TLN2: variants seen among roughly 807,000 people sequenced by gnomAD.
TLN2 encodes the protein talin-2.
A neutral mutation model predicts 294.7 loss-of-function variants in TLN2; 118 were observed. That is an observed-to-expected ratio of 0.40 (90% CI 0.34 to 0.47). The LOEUF is 0.47. Ranked by LOEUF, TLN2 falls within the 20% of genes least tolerant of loss-of-function variation. The probability of loss-of-function intolerance (pLI) is 0.84; values close to 1 mark genes in which losing one functional copy is unlikely to be tolerated. For synonymous variants in TLN2, 1,431 were observed against 1,304.5 expected, an observed-to-expected ratio of 1.10 and a Z score of -2.09; for missense variants, 3,083 against 3,282.2, an observed-to-expected ratio of 0.94 and a Z score of 1.48.
At chr15:62,708,470 A>G (rs748349281) in intron 20 of TLN2, 32 bp from the exon 21 acceptor site, 2 of 1,601,076 alleles carry the variant, frequency 1.2e-6, no homozygotes, top group South Asian at 2.2e-5. Context: ...ATTCAACCAC[A>G]GTGCCCAAAA....
In TLN2 at chr15:62,835,793, T is replaced by A; in HGVS notation, c.7185T>A (p.Ile2395=). ...ADDGQWSQGL[I]SAARMVAAAT... is the part of the protein sequence containing the mutation. ...ACGGACAGTGGTCACAGGGGCTGAT[T>A]TCTGCTGTGAGTTGCCTTCTCCTTC... Residue 2395 remains isoleucine (I), a synonymous_variant, in exon 56 of 59, where the codon ATT becomes ATA. Transcript: ENST00000636159. The A allele has an allele frequency of 1.2e-6, 2 of 1,614,198 alleles. No individual in the cohort carries two copies. The highest frequency in any genetic ancestry group is 1.7e-6 in the Non-Finnish European group (2 of 1,180,036).
chr15:62,427,048 A>G (rs2034755679), intron 1 of TLN2, among the ~76,000 whole-genome samples: 1 of 152,076 alleles, frequency 6.6e-6, no homozygotes, highest in Non-Finnish European at 1.5e-5. Context: ...ATTCTTCAGG[A>G]AGCAGGGCCA....
intron 1 of TLN2, among the ~76,000 whole-genome samples, chr15:62,430,299 C>T (rs953488765): frequency 6.6e-6 from 1 of 152,094 alleles, no homozygotes; most frequent in African/African-American, 2.4e-5. Context: ...ATTTGTATGA[C>T]TTTGGAAATA....
chr15:62,820,960 C>G (rs755761169), intron 54 of TLN2, among the ~76,000 whole-genome samples: 11 of 152,186 alleles, frequency 7.2e-5, no homozygotes, highest in Non-Finnish European at 1.5e-4. Flanking sequence ...TTTCTGGTTT[C>G]TCTTTTGCTT....
intron 50 of TLN2, 41 bp downstream of exon 50, chr15:62,800,810 C>T (rs368644574): frequency 3.2e-6 from 5 of 1,542,388 alleles, no homozygotes; most frequent in Non-Finnish European, 4.4e-6. Flanking sequence ...ACCAGAGTCC[C>T]ACAGCTGACC....
At chr15:62,541,595 GGT>G (rs143474060) in intron 1 of TLN2, among the ~76,000 whole-genome samples, 3 of 151,392 alleles carry the variant, frequency 2.0e-5, no homozygotes, top group East Asian at 1.9e-4. Context: ...TTTGCTCAGG[GGT>G]GTGTGTGTGT....
chr15:62,396,231 A>G (rs1035791026), intron 1 of TLN2, among the ~76,000 whole-genome samples: 1 of 152,224 alleles, frequency 6.6e-6, no homozygotes, highest in Non-Finnish European at 1.5e-5. Context: ...ATTAGCAGTG[A>G]GGAGGGAGAG....
rs764366586 is a variant in TLN2, at chr15:62,703,619, ACACGCG to A, written c.2004+757_2004+762del. ...TTTACTTCGACACACACACACACAC[ACACGCG>A]CGCACACACACACACACACACACAC... On this transcript the variant is annotated intron_variant, in intron 19 of 58. Coordinates refer to ENST00000636159, the MANE Select transcript of TLN2 (RefSeq NM_015059.3). Among the ~76,000 whole-genome samples the A allele has an allele frequency of 1.7e-3, 182 of 106,952 alleles. 2 individuals carry two copies. The South Asian group carries it at 0.022, about 13-fold the overall frequency. The allele number at this position is 106,952 out of a possible 152,430, so 70.2% of individuals were successfully genotyped here. A position where few individuals can be genotyped will look rare whatever the true frequency, so the allele number is the denominator to read the frequency against.
chr15:62,840,627 G>A lies in TLN2; in HGVS notation c.*17G>A, dbSNP rs374228897. 1.9e-6 allele frequency: 3 copies of A among 1,611,916 alleles called. No individual in the cohort carries two copies. Among genetic ancestry groups the A allele is most frequent in the East Asian group, 2.2e-5 (1 of 44,860 alleles). ...GAGGGCTAAAGGTGCGAGCCCAGATGGCGAGCCCCAGGGGATGGCCCTGGC... is the reference window on the plus strand; with the variant it reads ...GAGGGCTAAAGGTGCGAGCCCAGATAGCGAGCCCCAGGGGATGGCCCTGGC... On this transcript the variant is annotated 3_prime_UTR_variant, in exon 59 of 59. Coordinates refer to ENST00000636159, the MANE Select transcript of TLN2 (RefSeq NM_015059.3).
rs770027746 is a variant in TLN2 at position 62,796,188 on chromosome 15, C to A, written c.5945C>A (p.Ala1982Asp). The change falls in exon 47 of 59, where the codon GCC (alanine) becomes GAC (aspartate). Residue 1982 changes from alanine (A) to aspartate (D), a missense_variant. Physicochemically the swap from Ala to Asp is moderately radical, Grantham distance 126 (BLOSUM62 -2). Transcript: ENST00000636159. The part of the protein sequence containing the change: ...GNKGTQACIT[A>D]ATAVSGIIAD... Reference sequence around the variant, plus strand: ...AAAGGAACCCAGGCATGCATTACAGCCGCCACCGCTGTGTCTGGGATCATT... The same window carrying A: ...AAAGGAACCCAGGCATGCATTACAGACGCCACCGCTGTGTCTGGGATCATT... 2 of 1,614,258 alleles carry A rather than the reference C, an allele frequency of 1.2e-6. No individual in the cohort carries two copies. Among genetic ancestry groups the A allele is most frequent in the South Asian group, 2.2e-5 (2 of 91,088 alleles).
intron 2 of TLN2, among the ~76,000 whole-genome samples, chr15:62,606,248 A>ATTTTTTTTTTT (rs771750764): frequency 1.5e-5 from 2 of 136,764 alleles, no homozygotes; most frequent in Non-Finnish European, 1.6e-5. Flanking sequence ...TGCTTGGCTA[A>ATTTTTTTTTTT]TTTTTTTTTT....
intron 52 of TLN2, among the ~76,000 whole-genome samples, chr15:62,813,567 T>G (rs2066858761): frequency 1.3e-5 from 2 of 152,074 alleles, no homozygotes; most frequent in Non-Finnish European, 2.9e-5. Flanking sequence ...AGCAACTAAG[T>G]ATGAGAAGCA....
At chr15:62,784,092 G>C (rs1231104848) in intron 45 of TLN2, 3 of 839,466 alleles carry the variant, frequency 3.6e-6, no homozygotes, top group African/African-American at 3.4e-5. Flanking sequence ...TTATGGGGCA[G>C]ACTGGCCAAG....
At chr15:62,742,193 A>T (rs1455729540) in intron 32 of TLN2, among the ~76,000 whole-genome samples, 1 of 152,112 alleles carries the variant, frequency 6.6e-6, no homozygotes, top group Non-Finnish European at 1.5e-5. Flanking sequence ...CTGGAAAATT[A>T]TCTTCCCATC....
chr15:62,710,525 C>T (rs947096013), intron 21 of TLN2, among the ~76,000 whole-genome samples: 14 of 152,000 alleles, frequency 9.2e-5, no homozygotes, highest in African/African-American at 3.1e-4. Flanking sequence ...TTTTGAAATA[C>T]TTTTAAATTT....
rs1328816127 is a variant in TLN2 at position 62,716,314 on chromosome 15, T to C, written c.2635-17T>C. 1 of 1,572,334 alleles carries C rather than the reference T, an allele frequency of 6.4e-7. No homozygotes were observed. The highest frequency in any genetic ancestry group is 1.2e-5 in the South Asian group (1 of 84,144). ...CTCCTGCTGGACCACTTGAAATCTT[T>C]ATTTTTGCCTTTGCAGGGGGCTGCA... On this transcript the variant is annotated splice_polypyrimidine_tract_variant and intron_variant, in intron 22 of 58. Coordinates refer to ENST00000636159, the MANE Select transcript of TLN2 (RefSeq NM_015059.3).
intron 1 of TLN2, among the ~76,000 whole-genome samples, chr15:62,465,104 GTTTTTTTTTTTTT>G (rs57890839): frequency 0.047 from 4,009 of 85,856 alleles, 108 homozygotes; most frequent in African/African-American, 0.047. Flanking sequence ...TGGTGAGCGC[GTTTTTTTTTTTTT>G]TTTTTTTTTT....
intron 17 of TLN2, 136 bp from the exon 18 acceptor site, chr15:62,701,856 C>A: frequency 2.0e-6 from 2 of 975,806 alleles, no homozygotes; most frequent in Non-Finnish European, 3.0e-6. Flanking sequence ...CAGGCCAGCT[C>A]ACTGTGCTCA....
intron 1 of TLN2, among the ~76,000 whole-genome samples, chr15:62,478,142 G>GT (rs1358503279): frequency 1.3e-5 from 2 of 152,146 alleles, no homozygotes; most frequent in Non-Finnish European, 2.9e-5. Flanking sequence ...CAGGAGGCAG[G>GT]TGCAGCCTCT....
Sources: allele counts gnomAD v4.1 joint callset (sites outside exome capture counted in the v4.1 genomes callset), GRCh38; gene constraint gnomAD v4.1.1; transcripts MANE v1.5; gene names NCBI Gene and HGNC (gene_info 2026-07-23, HGNC 2026-07-21).